The following MTR variants were observed in gnomAD, a reference collection of about 807,000 sequenced individuals.
MTR encodes methionine synthase.
MTR carries 84 observed loss-of-function variants against 154.8 expected under a neutral mutation model. That is an observed-to-expected ratio of 0.54 (90% CI 0.45 to 0.65). MTR has a LOEUF of 0.65. Ranked by LOEUF, MTR falls within the 30% of genes least tolerant of loss-of-function variation. The pLI is 0.00. For missense variants in MTR, 1,275 were observed against 1,570.2 expected (o/e 0.81, Z 3.18); for synonymous variants, 554 against 553.9 (o/e 1.00, Z 0.00).
At chr1:236,838,367 T>G (rs1164468246) in intron 14 of MTR, 47 bp from the exon 15 acceptor site, 11 of 1,590,124 alleles carry the variant, frequency 6.9e-6, no homozygotes, top group Non-Finnish European at 9.5e-6. Context: ...AAGTAATTTA[T>G]AGTGACCTGT....
intron 20 of MTR, 49 bp downstream of exon 20, chr1:236,861,326 C>T: frequency 6.2e-7 from 1 of 1,612,480 alleles, no homozygotes; most frequent in Non-Finnish European, 8.5e-7. Context: ...TTTTCTTTGT[C>T]ATTTAATAAA....
intron 22 of MTR, among the ~76,000 whole-genome samples, chr1:236,871,946 C>G (rs1345948378): frequency 6.6e-6 from 1 of 151,770 alleles, no homozygotes; most frequent in Non-Finnish European, 1.5e-5. Context: ...GCGTTCAGCA[C>G]CCATTGTTAC....
intron 31 of MTR, 142 bp downstream of exon 31, chr1:236,895,692 G>A (rs1361390790): frequency 7.5e-6 from 5 of 667,228 alleles, no homozygotes; most frequent in East Asian, 3.1e-5. Context: ...TTTTTCACTC[G>A]TAGCTATTCT....
intron 17 of MTR, 83 bp from the exon 18 acceptor site, chr1:236,852,865 C>T (rs762069138): frequency 4.6e-4 from 689 of 1,509,742 alleles, no homozygotes; most frequent in Non-Finnish European, 5.9e-4. Context: ...ATATTTCTCT[C>T]TGGCCCTTTA....
rs1046372431 is a variant in MTR, at chr1:236,806,007, C to T, written c.250-137C>T. ...TCCTTACACCTTTTTGCATCTCTAC[C>T]TTCTAATGCAGTGCCTTACTCTTAG... On this transcript the variant is annotated intron_variant, in intron 2 of 32. Coordinates refer to ENST00000366577, the MANE Select transcript of MTR (RefSeq NM_000254.3). 4 of 746,250 alleles carry T rather than the reference C, an allele frequency of 5.4e-6. No individual in the cohort carries two copies. In the African/African-American group the frequency reaches 6.9e-5, roughly 13 times the overall value. The allele number at this position is 746,250 out of a possible 1,614,324, so 46.2% of individuals were successfully genotyped here.
intron 3 of MTR, among the ~76,000 whole-genome samples, chr1:236,807,007 A>G (rs186256821): frequency 2.6e-5 from 4 of 152,142 alleles, no homozygotes; most frequent in South Asian, 4.2e-4. Context: ...GGTTGCTTCT[A>G]CCTTTCGGCT....
At chr1:236,820,067 C>A in intron 8 of MTR, 1 of 782,682 alleles carries the variant, frequency 1.3e-6, no homozygotes, top group Non-Finnish European at 2.3e-6. Context: ...AACCTGCCTA[C>A]CATTGCGCTG....
At position 236,877,674 on chromosome 1, in the gene MTR, G is replaced by T. The variant is rs536015524; in HGVS notation, c.2594+2828G>T. Reference sequence around the variant, plus strand: ...GACATTTGAGGTTTTCCACTTTGGGGCTATCACAAACAATGCTGCTATGAA... The same window carrying T: ...GACATTTGAGGTTTTCCACTTTGGGTCTATCACAAACAATGCTGCTATGAA... On this transcript the variant is annotated intron_variant, in intron 24 of 32. Coordinates refer to ENST00000366577, the MANE Select transcript of MTR (RefSeq NM_000254.3). Among the ~76,000 whole-genome samples, 6 of 152,182 alleles carry T rather than the reference G, an allele frequency of 3.9e-5. No homozygotes were observed. In the East Asian group the frequency reaches 7.7e-4, roughly 20 times the overall value.
intron 24 of MTR, among the ~76,000 whole-genome samples, chr1:236,880,471 A>G (rs1009391122): frequency 1.3e-5 from 2 of 152,188 alleles, no homozygotes; most frequent in African/African-American, 4.8e-5. Context: ...GTGGGCTGCG[A>G]ATGAGCACCA....
intron 8 of MTR, among the ~76,000 whole-genome samples, chr1:236,817,239 T>A (rs989839810): frequency 8.9e-5 from 12 of 135,314 alleles, no homozygotes; most frequent in African/African-American, 3.0e-4. Flanking sequence ...GGACTTTTTT[T>A]ATTTCTGGGC....
Position 236,810,490 on chromosome 1 carries a change from T to TC in MTR, c.410-12dup. On this transcript the variant is annotated splice_polypyrimidine_tract_variant and intron_variant, in intron 4 of 32. Transcript: ENST00000366577. ...CACTTAGAGATCTCACACTTGTTTT[T>TC]CTTTTCCCAAAGGAATTAAGAGGTT... is the stretch of plus-strand genomic sequence containing the variant. The TC allele has an allele frequency of 6.2e-7, 1 of 1,610,768 alleles. No individual in the cohort carries two copies. Among genetic ancestry groups the TC allele is most frequent in the Admixed American group, 1.7e-5 (1 of 60,008 alleles).
intron 14 of MTR, among the ~76,000 whole-genome samples, chr1:236,837,740 A>G (rs1662991216): frequency 6.6e-6 from 1 of 152,204 alleles, no homozygotes; most frequent in Non-Finnish European, 1.5e-5. Context: ...CTTTAAAAAT[A>G]TAAAAATAAT....
chr1:236,842,748 G>C (rs1423683427), intron 15 of MTR, among the ~76,000 whole-genome samples: 1 of 147,666 alleles, frequency 6.8e-6, no homozygotes, highest in Non-Finnish European at 1.5e-5. Flanking sequence ...TATATTCTTA[G>C]GGACAAAGGG....
chr1:236,799,912 A>G, intron 1 of MTR: 6 of 293,378 alleles, frequency 2.0e-5, no homozygotes, highest in Non-Finnish European at 3.0e-5. Context: ...CTGAAAAACC[A>G]AAGCAGATGT....
At chr1:236,849,475 G>A (rs931891005) in intron 15 of MTR, among the ~76,000 whole-genome samples, 3 of 152,220 alleles carry the variant, frequency 2.0e-5, no homozygotes, top group Non-Finnish European at 2.9e-5. Flanking sequence ...TGAAAAGGGG[G>A]CACTTGGGCA....
At chr1:236,859,053 G>C (rs1339421361) in intron 18 of MTR, among the ~76,000 whole-genome samples, 1 of 152,176 alleles carries the variant, frequency 6.6e-6, no homozygotes, top group East Asian at 1.9e-4. Flanking sequence ...TGACATGGCT[G>C]TCTTACTCTG....
intron 18 of MTR, among the ~76,000 whole-genome samples, chr1:236,856,460 TTTC>T (rs1468339497): frequency 6.6e-6 from 1 of 151,566 alleles, no homozygotes; most frequent in Admixed American, 6.6e-5. Flanking sequence ...CTCCTTCTTC[TTTC>T]TTCTTTCTTC....
At chr1:236,846,844 C>T (rs1453083197) in intron 15 of MTR, among the ~76,000 whole-genome samples, 1 of 152,058 alleles carries the variant, frequency 6.6e-6, no homozygotes, top group Non-Finnish European at 1.5e-5. Flanking sequence ...TCTTGAAAGG[C>T]ACAAACATCC....
At chr1:236,852,784 T>G in intron 17 of MTR, 147 bp downstream of exon 17, 1 of 1,089,594 alleles carries the variant, frequency 9.2e-7, no homozygotes, top group Non-Finnish European at 1.4e-6. Context: ...TATTCATTTG[T>G]ATCTTGTCTG....
Sources: gnomAD v4.1 joint callset for allele counts (sites outside exome capture counted in the v4.1 genomes callset) on GRCh38, gnomAD v4.1.1 for gene constraint, MANE v1.5 for transcripts, NCBI Gene and HGNC (gene_info 2026-07-23, HGNC 2026-07-21) for gene names.